The following PTGER3 variants were observed in gnomAD, a reference collection of about 807,000 sequenced individuals.
The protein encoded by PTGER3 is prostaglandin E2 receptor EP3 subtype.
In PTGER3, 22 loss-of-function variants were observed where a neutral mutation model predicts 34.7. That is an observed-to-expected ratio of 0.63 (90% CI 0.45 to 0.91). The LOEUF is 0.91. Ranked by LOEUF, PTGER3 falls within the 40% of genes least tolerant of loss-of-function variation. The pLI, the probability that PTGER3 is intolerant of heterozygous loss-of-function variation, is 0.00. For missense variants in PTGER3, 468 were observed against 519.4 expected (o/e 0.90, Z 0.96); for synonymous variants, 241 against 230.1 (o/e 1.05, Z -0.43).
chr1:71,030,023 G>A (rs1659274781), intron 1 of PTGER3, among the ~76,000 whole-genome samples: 1 of 151,984 alleles, frequency 6.6e-6, no homozygotes, highest in Admixed American at 6.6e-5. Context: ...TGCCAAAACA[G>A]CAGATGCTTT....
At chr1:71,027,936 T>C (rs776021070) in intron 1 of PTGER3, among the ~76,000 whole-genome samples, 1 of 152,206 alleles carries the variant, frequency 6.6e-6, no homozygotes, top group Non-Finnish European at 1.5e-5. Flanking sequence ...CAAATAACCA[T>C]ATGTGGCTAG....
chr1:70,990,384 C>CAT (rs1455098814), intron 2 of PTGER3, among the ~76,000 whole-genome samples: 313 of 99,944 alleles, frequency 3.1e-3, no homozygotes, highest in African/African-American at 9.5e-3. Context: ...CACACACACA[C>CAT]ACATATATAT....
chr1:70,986,394 C>A (rs1402165798), intron 2 of PTGER3, among the ~76,000 whole-genome samples: 1 of 152,230 alleles, frequency 6.6e-6, no homozygotes, highest in East Asian at 1.9e-4. Context: ...GGATTGGGAC[C>A]CCTTTCCTGT....
chr1:71,010,359 C>T, intron 2 of PTGER3: 19 of 984,902 alleles, frequency 1.9e-5, no homozygotes, highest in Non-Finnish European at 2.3e-5. Flanking sequence ...GCATGAAGCA[C>T]TTCAATCATA....
At chr1:70,901,265 A>C (rs1367895102) in intron 4 of PTGER3, among the ~76,000 whole-genome samples, 1 of 152,154 alleles carries the variant, frequency 6.6e-6, no homozygotes, top group Non-Finnish European at 1.5e-5. Flanking sequence ...AAATTCGCAG[A>C]GTGGGACTAA....
At chr1:70,981,265 CT>C (rs1654232150) in intron 2 of PTGER3, among the ~76,000 whole-genome samples, 1 of 151,572 alleles carries the variant, frequency 6.6e-6, no homozygotes, top group Admixed American at 6.6e-5. Flanking sequence ...TTTTTCTTTT[CT>C]TTTTCCTTTT....
chr1:71,007,027 T>C (rs1657027881), intron 2 of PTGER3: 1 of 985,248 alleles, frequency 1.0e-6, no homozygotes, highest in Admixed American at 6.2e-5. Flanking sequence ...CTTTAAAACA[T>C]ACTAGAAGAT....
chr1:70,874,713 A>G (rs968986813), intron 4 of PTGER3, among the ~76,000 whole-genome samples: 3 of 151,844 alleles, frequency 2.0e-5, no homozygotes, highest in African/African-American at 7.3e-5. Context: ...ACCCCTTTCT[A>G]TACTTCTGTT....
chr1:70,932,645 G>A (rs1470276251), intron 4 of PTGER3, among the ~76,000 whole-genome samples: 1 of 152,138 alleles, frequency 6.6e-6, no homozygotes, highest in African/African-American at 2.4e-5. Flanking sequence ...TCACTGCCAG[G>A]AGAGCAGTAT....
intron 3 of PTGER3, 139 bp downstream of exon 3, chr1:70,974,153 GAATCT>G: frequency 8.2e-7 from 1 of 1,226,172 alleles, no homozygotes; most frequent in Non-Finnish European, 1.1e-6. Flanking sequence ...CTCCTCTAAG[GAATCT>G]AGCACTCTTA....
chr1:70,953,123 T>A (rs1650941441), intron 3 of PTGER3: 2 of 1,354,860 alleles, frequency 1.5e-6, no homozygotes, highest in Admixed American at 2.5e-5. Context: ...AAAATAAAAA[T>A]AATACAAATA....
intron 2 of PTGER3, among the ~76,000 whole-genome samples, chr1:70,961,946 A>C (rs1651971444): frequency 1.3e-5 from 2 of 152,200 alleles, no homozygotes; most frequent in Admixed American, 6.5e-5. Flanking sequence ...AAGTTGAGGC[A>C]CCCTGTAAAT....
downstream of PTGER3, among the ~76,000 whole-genome samples, chr1:70,968,799 A>G (rs368815836): frequency 6.6e-6 from 1 of 150,476 alleles, no homozygotes; most frequent in East Asian, 1.9e-4. Flanking sequence ...GGACAAAGAT[A>G]TTTCTCATTG....
In PTGER3 at chr1:71,044,096, G is replaced by A. The variant is rs538061126; in HGVS notation, c.897+2585C>T. On this transcript the variant is annotated intron_variant, in intron 1 of 3. Coordinates refer to ENST00000306666, the MANE Select transcript of PTGER3 (RefSeq NM_198719.2). ...CTCCCAAAGTGCTGGGATTACAGGCGTGAGCCACTGCGCCCAGCCGATGGA... is the reference window on the plus strand; with the variant it reads ...CTCCCAAAGTGCTGGGATTACAGGCATGAGCCACTGCGCCCAGCCGATGGA... Among the ~76,000 whole-genome samples, 10 of 150,932 alleles carry A rather than the reference G, an allele frequency of 6.6e-5. 1 individual carries two copies. In the South Asian group the frequency reaches 1.7e-3, roughly 25 times the overall value.
At chr1:70,921,987 A>G (rs1647576635) in intron 4 of PTGER3, among the ~76,000 whole-genome samples, 1 of 152,240 alleles carries the variant, frequency 6.6e-6, no homozygotes, top group Non-Finnish European at 1.5e-5. Context: ...GGAAATAAAG[A>G]CAGTTTTAAA....
intron 2 of PTGER3, chr1:70,998,221 C>T (rs1656154942): frequency 6.6e-6 from 1 of 152,172 alleles, no homozygotes; most frequent in Non-Finnish European, 1.5e-5. Flanking sequence ...TTAATCAAAA[C>T]CATAACAATG....
chr1:70,987,279 T>C (rs1302830602), intron 2 of PTGER3, among the ~76,000 whole-genome samples: 1 of 152,208 alleles, frequency 6.6e-6, no homozygotes, highest in African/African-American at 2.4e-5. Flanking sequence ...GTTAAGAATA[T>C]ATGTCTAAAG....
chr1:70,930,024 A>C (rs1487045266), intron 4 of PTGER3, among the ~76,000 whole-genome samples: 3 of 152,234 alleles, frequency 2.0e-5, no homozygotes, highest in Non-Finnish European at 4.4e-5. Flanking sequence ...TTATATCAAA[A>C]GATGAAGCTA....
intron 2 of PTGER3, among the ~76,000 whole-genome samples, chr1:71,004,344 A>C (rs997012518): frequency 1.3e-5 from 2 of 152,116 alleles, no homozygotes; most frequent in Admixed American, 1.3e-4. Flanking sequence ...AGTTATAGAG[A>C]TCATGACTTG....
Sources: gnomAD v4.1 joint callset for allele counts (sites outside exome capture counted in the v4.1 genomes callset) on GRCh38, gnomAD v4.1.1 for gene constraint, MANE v1.5 for transcripts, NCBI Gene and HGNC (gene_info 2026-07-23, HGNC 2026-07-21) for gene names.